Variants in ABCA12 observed in about 807,000 individuals in gnomAD.
ABCA12 encodes glucosylceramide transporter ABCA12.
A neutral mutation model predicts 293.5 loss-of-function variants in ABCA12; 156 were observed. That is an observed-to-expected ratio of 0.53 (90% confidence interval 0.47 to 0.61). The LOEUF is 0.61. Among genes scored for constraint, ABCA12 ranks in the 20% least tolerant of loss-of-function variants. ABCA12 has a pLI of 0.00. For missense variants in ABCA12, 2,797 were observed against 3,090.2 expected (o/e 0.91, Z 2.25); for synonymous variants, 1,063 against 1,108.0 (o/e 0.96, Z 0.81).
At chr2:215,025,380 A>T (rs1167224155) in intron 11 of ABCA12, 9 of 351,562 alleles carry the variant, frequency 2.6e-5, no homozygotes, top group South Asian at 1.1e-4. Flanking sequence ...CTGCAGCCTC[A>T]AACTCCTGGT....
chr2:215,127,485 G>A (rs1458332112), intron 1 of ABCA12, among the ~76,000 whole-genome samples: 1 of 152,140 alleles, frequency 6.6e-6, no homozygotes, highest in Non-Finnish European at 1.5e-5. Context: ...AGTGTTAGGT[G>A]CCTATGTGTT....
intron 2 of ABCA12, among the ~76,000 whole-genome samples, chr2:215,078,505 AG>A (rs1701876230): frequency 6.6e-6 from 1 of 152,226 alleles, no homozygotes; most frequent in African/African-American, 2.4e-5. Context: ...GAATCTTAAA[AG>A]TCCCAGTTCT....
chr2:215,000,679 A>T (rs894436325), intron 22 of ABCA12, 26 bp downstream of exon 22: 6 of 1,613,042 alleles, frequency 3.7e-6, no homozygotes, highest in Non-Finnish European at 5.1e-6. Context: ...TTGATCATTA[A>T]AAAGGCTGGA....
chr2:215,136,319 T>A (rs1163474436), intron 1 of ABCA12, among the ~76,000 whole-genome samples: 1 of 152,168 alleles, frequency 6.6e-6, no homozygotes, highest in Non-Finnish European at 1.5e-5. Context: ...CCACAAACAC[T>A]GACTAAAATG....
intron 14 of ABCA12, 25 bp downstream of exon 14, chr2:215,017,983 T>C (rs1212349567): frequency 6.2e-7 from 1 of 1,613,872 alleles, no homozygotes; most frequent in Non-Finnish European, 8.5e-7. Context: ...GAACTGCATG[T>C]AAGTACAAAC....
rs1455818266 is a variant in ABCA12 at position 215,011,979 on chromosome 2, A to G, written c.2113T>C (p.Leu705=). The change falls in exon 16 of 53, where the codon TTA becomes CTA. Residue 705 remains leucine (L), a synonymous_variant. Coordinates refer to ENST00000272895, the MANE Select transcript of ABCA12 (RefSeq NM_173076.3). ...KQMHLPRSVP[L]TQAMYRSNRM... Reference sequence around the variant, plus strand: ...CTGGGTGACTTTGCTACCTGTGTTAATGGAACACTTCTGGGCAGATGCATT... The same window carrying G: ...CTGGGTGACTTTGCTACCTGTGTTAGTGGAACACTTCTGGGCAGATGCATT... 12 of 1,613,830 alleles carry G rather than the reference A, an allele frequency of 7.4e-6. No individual in the cohort carries two copies. The highest frequency in any genetic ancestry group is 1.0e-5 in the Non-Finnish European group (12 of 1,179,878).
chr2:214,984,668 C>G (rs760854073), intron 28 of ABCA12, among the ~76,000 whole-genome samples: 10 of 152,092 alleles, frequency 6.6e-5, no homozygotes, highest in Non-Finnish European at 1.0e-4. Flanking sequence ...TGCCTCTTTC[C>G]CCATGTGATA....
In ABCA12 at chr2:214,955,340, C is replaced by T. The variant is rs1439262060; in HGVS notation, c.6255G>A (p.Met2085Ile). 9 of 1,614,100 alleles carry T rather than the reference C, an allele frequency of 5.6e-6. No individual in the cohort carries two copies. The highest frequency in any genetic ancestry group is 1.3e-5 in the African/African-American group (1 of 75,052). ...CATGGAAGAGCCCAGCCAGCAAGTA[C>T]ATCCAGGAAAATGTTGCATACCTGC... ...LLFGYATFSW[M>I]YLLAGLFHET... The change falls in exon 43 of 53, where the codon ATG (methionine) becomes ATA (isoleucine). Residue 2085 changes from methionine to isoleucine, a missense_variant. Met to Ile is a conservative substitution (Grantham distance 10). This residue lies in a region of ABCA12 where 2,130 missense variants were observed against 2,427.0 expected (regional missense o/e 0.88). Transcript: ENST00000272895.
intron 9 of ABCA12, among the ~76,000 whole-genome samples, chr2:215,030,603 CAA>C (rs56919467): frequency 2.0e-3 from 255 of 127,294 alleles, no homozygotes; most frequent in Admixed American, 3.0e-3. Flanking sequence ...GACTCCATCT[CAA>C]AAAAAAAAAA....
intron 39 of ABCA12, among the ~76,000 whole-genome samples, chr2:214,959,722 G>T (rs1173370633): frequency 6.6e-6 from 1 of 152,124 alleles, no homozygotes; most frequent in Admixed American, 6.6e-5. Context: ...TCAGAAAAGT[G>T]GTCACTTAAT....
chr2:214,973,024 C>T (rs1232622959), intron 36 of ABCA12, among the ~76,000 whole-genome samples: 3 of 151,522 alleles, frequency 2.0e-5, no homozygotes, highest in Admixed American at 6.6e-5. Flanking sequence ...GGGGTTTCAC[C>T]ATGTTGCCAA....
chr2:215,097,170 A>G (rs1034224539), intron 2 of ABCA12, among the ~76,000 whole-genome samples: 4 of 151,952 alleles, frequency 2.6e-5, no homozygotes, highest in African/African-American at 9.7e-5. Context: ...CTTTACCCCC[A>G]CCTTCACGAA....
rs765231909 is a variant in ABCA12 at position 214,942,908 on chromosome 2, A to G, written c.7436+17T>C. 2.8e-5 allele frequency: 45 copies of G among 1,606,820 alleles called. No individual in the cohort carries two copies. The highest frequency in any genetic ancestry group is 9.9e-5 in the South Asian group (9 of 90,928). On this transcript the variant is annotated intron_variant, in intron 50 of 52. Coordinates refer to ENST00000272895, the MANE Select transcript of ABCA12 (RefSeq NM_173076.3). ...ATGACCCAACACTATCTGTTAAGCA[A>G]TGCATTTGTTCTTCACCTGCTCTTT...
In ABCA12 at chr2:214,966,876, G is replaced by A; in HGVS notation, c.5856C>T (p.Asn1952=). The change falls in exon 39 of 53, where the codon AAC becomes AAT. Residue 1952 remains asparagine, a synonymous_variant. Coordinates refer to ENST00000272895, the MANE Select transcript of ABCA12 (RefSeq NM_173076.3). ...GTCGGGCAGCATCGTATTTTGACAT[G>A]TTAACTCGCAGAAGGAAATTATTCA... ...NSLNNFLLRV[N]MSKYDAARHG... is the part of the protein sequence containing the mutation. 5 of 1,613,834 alleles carry A rather than the reference G, an allele frequency of 3.1e-6. No homozygotes were observed. The highest frequency in any genetic ancestry group is 3.4e-6 in the Non-Finnish European group (4 of 1,179,800).
intron 42 of ABCA12, among the ~76,000 whole-genome samples, chr2:214,955,991 G>A (rs1482621370): frequency 6.6e-6 from 1 of 152,172 alleles, no homozygotes; most frequent in Non-Finnish European, 1.5e-5. Context: ...GAAAAGTAAT[G>A]ACACTGTTCA....
At chr2:214,950,386 G>GTA (rs1291609812) in intron 45 of ABCA12, among the ~76,000 whole-genome samples, 1 of 36,680 alleles carries the variant, frequency 2.7e-5, no homozygotes, top group African/African-American at 2.3e-4. Flanking sequence ...ATATATATCT[G>GTA]TGTGTGTGTG....
intron 26 of ABCA12, among the ~76,000 whole-genome samples, chr2:214,988,280 T>C (rs550730248): frequency 6.6e-6 from 1 of 152,346 alleles, no homozygotes; most frequent in South Asian, 2.1e-4. Flanking sequence ...CTCATAACAA[T>C]GCATGCTGTT....
intron 3 of ABCA12, among the ~76,000 whole-genome samples, chr2:215,055,287 C>T (rs1054907944): frequency 2.0e-5 from 3 of 151,968 alleles, no homozygotes; most frequent in Non-Finnish European, 4.4e-5. Context: ...CATTGTGGTG[C>T]CAGGAATCCC....
At chr2:215,013,963 T>C (rs556290754) in intron 15 of ABCA12, among the ~76,000 whole-genome samples, 1 of 152,270 alleles carries the variant, frequency 6.6e-6, no homozygotes, top group East Asian at 1.9e-4. Context: ...TGAGGATCAC[T>C]TGAGGTCAGG....
Sources: gnomAD v4.1 joint callset for allele counts (sites outside exome capture counted in the v4.1 genomes callset) on GRCh38, gnomAD v4.1.1 for gene constraint, gnomAD v4.1.1 regional missense constraint, MANE v1.5 for transcripts, NCBI Gene and HGNC (gene_info 2026-07-23, HGNC 2026-07-21) for gene names.